SPATA13: variants seen among roughly 807,000 people sequenced by gnomAD.
SPATA13 encodes spermatogenesis-associated protein 13.
Under a neutral mutation model 104.0 loss-of-function variants are expected in SPATA13, and 50 were observed. That is an observed-to-expected ratio of 0.48 (90% CI 0.38 to 0.61). The LOEUF is 0.61. Among genes scored for constraint, SPATA13 ranks in the 20% least tolerant of loss-of-function variants. The pLI, the probability that SPATA13 is intolerant of heterozygous loss-of-function variation, is 0.00. For missense variants in SPATA13, 1,524 were observed against 1,690.6 expected, an observed-to-expected ratio of 0.90 and a Z score of 1.73; for synonymous variants, 606 against 667.5, an observed-to-expected ratio of 0.91 and a Z score of 1.42.
intron 2 of SPATA13, among the ~76,000 whole-genome samples, chr13:23,986,319 G>A (rs1371051494): frequency 1.3e-5 from 2 of 152,092 alleles, no homozygotes; most frequent in African/African-American, 4.8e-5. Flanking sequence ...TAGATAACAA[G>A]ACAGAGATCA....
chr13:24,269,612 A>T, intron 4 of SPATA13, among the ~76,000 whole-genome samples: 1 of 152,018 alleles, frequency 6.6e-6, no homozygotes, highest in Non-Finnish European at 1.5e-5. Context: ...TCTGTCACCG[A>T]GGCTGGAGTA....
intron 2 of SPATA13, among the ~76,000 whole-genome samples, chr13:24,012,614 C>T (rs1480329978): frequency 6.6e-6 from 1 of 152,236 alleles, no homozygotes; most frequent in African/African-American, 2.4e-5. Context: ...TCTTTTTCTG[C>T]CCTGACAAGC....
chr13:24,089,533 AC>A (rs1455925021), intron 3 of SPATA13, among the ~76,000 whole-genome samples: 2 of 151,994 alleles, frequency 1.3e-5, no homozygotes, highest in African/African-American at 4.8e-5. Context: ...ATATTACAAA[AC>A]CCCTCTGGGC....
At chr13:24,297,829 C>G in intron 11 of SPATA13, 94 bp downstream of exon 11, 3 of 1,426,816 alleles carry the variant, frequency 2.1e-6, no homozygotes, top group South Asian at 2.8e-5. Context: ...CCAGCCTTCT[C>G]CCTCAGAGCT....
At chr13:24,292,887 T>C (rs1423342936) in intron 9 of SPATA13, among the ~76,000 whole-genome samples, 1 of 146,940 alleles carries the variant, frequency 6.8e-6, no homozygotes, top group Non-Finnish European at 1.5e-5. Context: ...TCCTAGCTAA[T>C]TGGGAGGCTG....
intron 2 of SPATA13, among the ~76,000 whole-genome samples, chr13:24,015,740 C>T (rs1263838796): frequency 7.6e-5 from 1 of 13,100 alleles, no homozygotes; most frequent in Non-Finnish European, 4.0e-4. Context: ...CCCTGGCAGG[C>T]CCCCCCCCAA....
Position 23,983,903 on chromosome 13 carries a change from C to T in SPATA13, c.-177C>T, listed in dbSNP as rs541687324. On this transcript the variant is annotated 5_prime_UTR_variant, in exon 2 of 15. Transcript: ENST00000424834. ...TGGCAACACCGTGCAGATGGCAAAG[C>T]GTAGGCCTCACAAACATCCTGGCCG... 25 of 985,448 alleles carry T rather than the reference C, an allele frequency of 2.5e-5. No homozygotes were observed. The South Asian group carries it at 8.5e-4, about 33-fold the overall frequency. 61.0% of individuals were successfully genotyped at this position (985,448 alleles called of 1,614,324 possible).
chr13:24,064,927 C>T lies in SPATA13; in HGVS notation c.-112+47226C>T, dbSNP rs543787406. On this transcript the variant is annotated intron_variant, in intron 3 of 14. Transcript: ENST00000424834. Reference sequence around the variant, plus strand: ...AATTGAAGAAAATTCTGTAAAATACCTGATCAATACTCCTCAAAGCTTCCA... The same window carrying T: ...AATTGAAGAAAATTCTGTAAAATACTTGATCAATACTCCTCAAAGCTTCCA... 1.6e-4 allele frequency among the ~76,000 whole-genome samples: 24 copies of T among 152,062 alleles called. No individual in the cohort carries two copies. The South Asian group carries it at 5.0e-3, about 32-fold the overall frequency.
chr13:24,050,800 A>T (rs4769314), intron 3 of SPATA13, among the ~76,000 whole-genome samples: 1 of 152,008 alleles, frequency 6.6e-6, no homozygotes, highest in Non-Finnish European at 1.5e-5. Context: ...AAGGTGCCTC[A>T]TGCCACCCAC....
At chr13:23,988,940 G>A (rs1016539834) in intron 2 of SPATA13, among the ~76,000 whole-genome samples, 3 of 152,120 alleles carry the variant, frequency 2.0e-5, no homozygotes, top group African/African-American at 4.8e-5. Flanking sequence ...TGAAACAGGA[G>A]CTTTGTCTGA....
rs1338604603 is a variant in SPATA13, at chr13:24,202,385, A to C, written c.-111-20434A>C. Among the ~76,000 whole-genome samples the C allele has an allele frequency of 2.0e-5, 3 of 152,166 alleles. No individual in the cohort carries two copies. In the South Asian group the frequency reaches 6.2e-4, roughly 32 times the overall value. The stretch of plus-strand genomic sequence containing the variant: ...CAGCAGCAGTAAATGTGGTGCCCAC[A>C]GTCGTAAAGGACAGTTGATTCTGCA... On this transcript the variant is annotated intron_variant, in intron 1 of 12. Transcript: ENST00000382108.
At chr13:24,021,594 A>G (rs1157280028) in intron 3 of SPATA13, among the ~76,000 whole-genome samples, 1 of 152,202 alleles carries the variant, frequency 6.6e-6, no homozygotes, top group African/African-American at 2.4e-5. Flanking sequence ...CTTGTCTCTA[A>G]TTGTTTTGAA....
At chr13:24,117,308 C>T (rs1345844569) in intron 3 of SPATA13, among the ~76,000 whole-genome samples, 2 of 152,036 alleles carry the variant, frequency 1.3e-5, no homozygotes, top group Non-Finnish European at 2.9e-5. Flanking sequence ...TAGGAATTAG[C>T]CGTCACTGAT....
At chr13:24,283,595 A>C (rs1348744931) in intron 4 of SPATA13, among the ~76,000 whole-genome samples, 5 of 152,210 alleles carry the variant, frequency 3.3e-5, no homozygotes, top group African/African-American at 7.2e-5. Flanking sequence ...TTCTGGTAAA[A>C]GTACTATATA....
At chr13:24,166,543 C>T (rs1593374239) in intron 1 of SPATA13, among the ~76,000 whole-genome samples, 1 of 152,282 alleles carries the variant, frequency 6.6e-6, no homozygotes, top group East Asian at 1.9e-4. Context: ...GCCCCAAGCA[C>T]ATCAGTCATG....
intron 12 of SPATA13, among the ~76,000 whole-genome samples, chr13:24,301,200 G>A (rs910139893): frequency 4.6e-5 from 7 of 152,048 alleles, no homozygotes; most frequent in African/African-American, 9.7e-5. Context: ...CTTTATTCCC[G>A]TCATCTTTCT....
intron 1 of SPATA13, among the ~76,000 whole-genome samples, chr13:24,215,989 A>G (rs934243328): frequency 2.0e-5 from 3 of 152,158 alleles, no homozygotes; most frequent in African/African-American, 7.2e-5. Context: ...TTACCACCAG[A>G]AAGGTGGTGG....
At chr13:24,073,010 T>C (rs1273544612) in intron 3 of SPATA13, among the ~76,000 whole-genome samples, 14 of 152,114 alleles carry the variant, frequency 9.2e-5, no homozygotes, top group Non-Finnish European at 1.9e-4. Context: ...ATTGATCCCG[T>C]AGATCTTGTC....
At chr13:24,067,183 C>T (rs1878995067) in intron 3 of SPATA13, among the ~76,000 whole-genome samples, 1 of 152,188 alleles carries the variant, frequency 6.6e-6, no homozygotes, top group South Asian at 2.1e-4. Context: ...CCAATCTTTA[C>T]ACTTCAGTCT....
Sources: allele counts gnomAD v4.1 joint callset (sites outside exome capture counted in the v4.1 genomes callset), GRCh38; gene constraint gnomAD v4.1.1; transcripts MANE v1.5; gene names NCBI Gene and HGNC (gene_info 2026-07-23, HGNC 2026-07-21).